The following SYNE2 variants were observed in gnomAD, a reference collection of about 807,000 sequenced individuals.
SYNE2 encodes nesprin-2.
In SYNE2, 431 loss-of-function variants were observed where a neutral mutation model predicts 856.3. The observed-to-expected ratio is 0.50, with a 90% CI of 0.47 to 0.55. SYNE2 has a LOEUF of 0.55. Ranked by LOEUF, SYNE2 falls within the 20% of genes least tolerant of loss-of-function variation. SYNE2 has a pLI of 0.00. For synonymous variants in SYNE2, 2,923 were observed against 2,872.3 expected, an observed-to-expected ratio of 1.02 and a Z score of -0.56; for missense variants, 8,129 against 8,023.2, an observed-to-expected ratio of 1.01 and a Z score of -0.50.
At chr14:63,837,231 T>C (rs1889887307) in intron 1 of SYNE2, among the ~76,000 whole-genome samples, 1 of 152,148 alleles carries the variant, frequency 6.6e-6, no homozygotes, top group Non-Finnish European at 1.5e-5. Flanking sequence ...TTGGGACAAT[T>C]GAATATTCAG....
Position 64,159,433 on chromosome 14 carries a change from C to T in SYNE2, c.16085C>T (p.Thr5362Ile), listed in dbSNP as rs770496891. ...AEIIEEKCQN[T>I]HKRWTQVNQA... ...ATAATCGAAGAGAAATGCCAAAATA[C>T]TCATAAAAGGTATGCTTTCAGATAT... The change falls in exon 87 of 116, where the codon ACT becomes ATT. Residue 5362 changes from threonine to isoleucine, a missense_variant. Physicochemically the swap from Thr to Ile is moderately conservative, Grantham distance 89 (BLOSUM62 -1). This residue lies in a region of SYNE2 where 5,410 missense variants were observed against 5,284.8 expected (regional missense o/e 1.02). Coordinates refer to ENST00000555002, the MANE Select transcript of SYNE2 (RefSeq NM_182914.3). The T allele has an allele frequency of 6.8e-6, 11 of 1,613,676 alleles. No individual in the cohort carries two copies. The East Asian group carries it at 1.8e-4, about 26-fold the overall frequency.
intron 46 of SYNE2, 73 bp from the exon 47 acceptor site, chr14:64,049,538 A>T: frequency 6.6e-7 from 1 of 1,517,882 alleles, no homozygotes; most frequent in South Asian, 1.2e-5. Context: ...TATCTCAAAG[A>T]GGAAAGAAGA....
chr14:64,117,345 G>A (rs556534460), intron 66 of SYNE2, among the ~76,000 whole-genome samples: 29 of 152,220 alleles, frequency 1.9e-4, no homozygotes, highest in African/African-American at 7.0e-4. Context: ...TGTTACCCAG[G>A]CTGGAGTGCA....
chr14:63,793,259 C>A (rs1264831775), intron 1 of SYNE2, among the ~76,000 whole-genome samples: 2 of 152,146 alleles, frequency 1.3e-5, no homozygotes, highest in Non-Finnish European at 2.9e-5. Flanking sequence ...ACAAATTCAT[C>A]TTTATGTCCA....
chr14:63,772,672 G>A (rs1886960900), intron 1 of SYNE2, among the ~76,000 whole-genome samples: 1 of 151,778 alleles, frequency 6.6e-6, no homozygotes, highest in Non-Finnish European at 1.5e-5. Context: ...GAACCCGGGA[G>A]ACAGAGGTTT....
intron 1 of SYNE2, among the ~76,000 whole-genome samples, chr14:63,765,349 CTTGTTTT>C (rs539357698): frequency 4.8e-4 from 73 of 152,084 alleles, no homozygotes; most frequent in African/African-American, 1.6e-3. Context: ...ATGCGATAGA[CTTGTTTT>C]TTGTTTTTTG....
chr14:63,997,095 T>C lies in SYNE2; in HGVS notation c.3089T>C (p.Leu1030Pro), dbSNP rs749071843. The change falls in exon 24 of 116, where the codon CTG becomes CCG. Residue 1030 changes from leucine to proline, a missense_variant. Leu to Pro is a moderately conservative substitution (Grantham distance 98). Coordinates refer to ENST00000555002, the MANE Select transcript of SYNE2 (RefSeq NM_182914.3). ...KDYEQKIERL[L>P]KCASEIHMTL... ...TATGAACAAAAGATAGAAAGACTTC[T>C]GAAATGTGCTTCCGAGATTCATATG... The C allele has an allele frequency of 3.1e-6, 5 of 1,614,146 alleles. No individual in the cohort carries two copies. The highest frequency in any genetic ancestry group is 4.2e-6 in the Non-Finnish European group (5 of 1,180,014).
chr14:64,224,943 C>A, intron 114 of SYNE2, 56 bp from the exon 115 acceptor site: 1 of 1,476,186 alleles, frequency 6.8e-7, no homozygotes, highest in Non-Finnish European at 9.4e-7. Context: ...TTTTTTTTAT[C>A]ATTGATAGGA....
Position 63,983,787 on chromosome 14 carries a change from C to G in SYNE2, c.2052C>G (p.Asp684Glu). 3 of 1,612,786 alleles carry G rather than the reference C, an allele frequency of 1.9e-6. No individual in the cohort carries two copies. The highest frequency in any genetic ancestry group is 2.5e-6 in the Non-Finnish European group (3 of 1,179,072). ...MIKKQDQPTF[D>E]NSGNILSKEE... ...AAAAACAGGATCAGCCCACTTTTGA[C>G]AATTCTGGAAATATTCTATCTAAAG... Residue 684 changes from aspartate (D) to glutamate (E), a missense_variant, in exon 18 of 116, where the codon GAC becomes GAG. Around this residue, in one of 3 missense-constraint regions of SYNE2, gnomAD observed 2,422 missense variants for 2,357.4 expected, o/e 1.03. Coordinates refer to ENST00000555002, the MANE Select transcript of SYNE2 (RefSeq NM_182914.3).
At chr14:63,775,220 C>T (rs1239301283) in intron 1 of SYNE2, among the ~76,000 whole-genome samples, 1 of 152,106 alleles carries the variant, frequency 6.6e-6, no homozygotes, top group East Asian at 1.9e-4. Flanking sequence ...GGGTGATCCA[C>T]CACCTCGGCC....
intron 11 of SYNE2, among the ~76,000 whole-genome samples, chr14:63,971,316 A>G (rs1040015267): frequency 1.3e-5 from 2 of 151,890 alleles, no homozygotes; most frequent in South Asian, 2.1e-4. Flanking sequence ...GGGTTTCACT[A>G]TGTTGCCCAG....
chr14:64,215,994 G>C (rs779618294), intron 107 of SYNE2: 6 of 1,418,976 alleles, frequency 4.2e-6, no homozygotes, highest in Non-Finnish European at 4.6e-6. Flanking sequence ...CGAGACCCTG[G>C]CTCCAAAACG....
At chr14:63,790,204 C>G (rs533925705) in intron 1 of SYNE2, among the ~76,000 whole-genome samples, 10 of 152,106 alleles carry the variant, frequency 6.6e-5, no homozygotes, top group African/African-American at 2.4e-4. Flanking sequence ...TGGTGGCATG[C>G]ACCTGTAGTC....
At chr14:63,912,959 G>A (rs999027449) in intron 2 of SYNE2, among the ~76,000 whole-genome samples, 9 of 151,888 alleles carry the variant, frequency 5.9e-5, no homozygotes, top group African/African-American at 2.2e-4. Context: ...TTTGAGAGAG[G>A]GTCTTGCTCT....
At chr14:64,156,044 C>T (rs1450395269) in intron 85 of SYNE2, among the ~76,000 whole-genome samples, 1 of 152,168 alleles carries the variant, frequency 6.6e-6, no homozygotes, top group African/African-American at 2.4e-5. Flanking sequence ...TATCTTAATA[C>T]TGATGCCTAT....
Position 63,986,596 on chromosome 14 carries a change from C to T in SYNE2, c.2292C>T (p.Thr764=). 1 of 1,614,022 alleles carries T rather than the reference C, an allele frequency of 6.2e-7. No individual in the cohort carries two copies. The highest frequency in any genetic ancestry group is 8.5e-7 in the Non-Finnish European group (1 of 1,179,994). ...KSVLDQDDVD[T]SMEESLKHLI... Reference sequence around the variant, plus strand: ...TTTTGGATCAAGATGATGTGGACACCTCAATGGAAGAATCTTTGAAGGTAT... The same window carrying T: ...TTTTGGATCAAGATGATGTGGACACTTCAATGGAAGAATCTTTGAAGGTAT... The change falls in exon 19 of 116, where the codon ACC becomes ACT. Residue 764 remains threonine (T), a synonymous_variant. Transcript: ENST00000555002.
At chr14:63,814,466 T>TGTC (rs1555340975) in intron 1 of SYNE2, among the ~76,000 whole-genome samples, 1 of 132,620 alleles carries the variant, frequency 7.5e-6, no homozygotes, top group African/African-American at 2.8e-5. Context: ...TCCTTATATA[T>TGTC]CATATATAAT....
chr14:63,995,134 A>G lies in SYNE2; in HGVS notation c.2872A>G (p.Lys958Glu), dbSNP rs764551465. The change falls in exon 23 of 116, where the codon AAG becomes GAG. Residue 958 changes from lysine to glutamate, a missense_variant. This residue lies in a region of SYNE2 where 2,422 missense variants were observed against 2,357.4 expected (regional missense o/e 1.03). Transcript: ENST00000555002. ...TAGTGACAATATTTTAAAACTTGAA[A>G]AGCAAATAAATAAAGAAAAGAAACT... ...KLSDNILKLE[K>E]QINKEKKLIR... 1 of 1,604,542 alleles carries G rather than the reference A, an allele frequency of 6.2e-7. No homozygotes were observed. The highest frequency in any genetic ancestry group is 2.2e-5 in the East Asian group (1 of 44,670).
intron 1 of SYNE2, among the ~76,000 whole-genome samples, chr14:63,828,377 C>T (rs916174868): frequency 1.3e-5 from 2 of 151,764 alleles, no homozygotes; most frequent in African/African-American, 4.8e-5. Context: ...AGGTGGTTCA[C>T]ACCTGTAATC....
Sources: allele counts gnomAD v4.1 joint callset (sites outside exome capture counted in the v4.1 genomes callset), GRCh38; gene constraint gnomAD v4.1.1; regional missense constraint gnomAD v4.1.1; transcripts MANE v1.5; gene names NCBI Gene and HGNC (gene_info 2026-07-23, HGNC 2026-07-21).